Variants in DPP10 observed in about 807,000 individuals in gnomAD.
The protein encoded by DPP10 is inactive dipeptidyl peptidase 10.
A neutral mutation model predicts 120.9 loss-of-function variants in DPP10; 33 were observed. The observed-to-expected ratio is 0.27, with a 90% CI of 0.21 to 0.37. The LOEUF is 0.37. Ranked by LOEUF, DPP10 falls within the 10% of genes least tolerant of loss-of-function variation. DPP10 has a pLI of 1.00. For missense variants in DPP10, 816 were observed against 942.8 expected (o/e 0.87, Z 1.76); for synonymous variants, 337 against 326.1 (o/e 1.03, Z -0.36).
At chr2:115,492,278 T>TA (rs1402380880) in intron 3 of DPP10, among the ~76,000 whole-genome samples, 3 of 152,084 alleles carry the variant, frequency 2.0e-5, no homozygotes, top group African/African-American at 7.2e-5. Context: ...CTTAGTTTGG[T>TA]AAAAAAGATC....
At chr2:115,512,547 A>T (rs1252952903) in intron 4 of DPP10, among the ~76,000 whole-genome samples, 1 of 151,440 alleles carries the variant, frequency 6.6e-6, no homozygotes. Context: ...ATTTCCCTGT[A>T]AGTTCTTCTT....
chr2:114,662,925 C>T (rs550126993), intron 1 of DPP10, among the ~76,000 whole-genome samples: 1 of 152,206 alleles, frequency 6.6e-6, no homozygotes, highest in African/African-American at 2.4e-5. Flanking sequence ...GTGCTACTCG[C>T]CTTAAGGCAC....
At chr2:115,005,231 CA>C (rs1441199929) in intron 1 of DPP10, among the ~76,000 whole-genome samples, 1 of 152,134 alleles carries the variant, frequency 6.6e-6, no homozygotes, top group Admixed American at 6.5e-5. Context: ...TCACCATCAT[CA>C]AAGGCCAAAA....
intron 5 of DPP10, among the ~76,000 whole-genome samples, chr2:115,568,629 T>A (rs1575201969): frequency 6.6e-6 from 1 of 152,094 alleles, no homozygotes; most frequent in Middle Eastern, 3.4e-3. Flanking sequence ...CATTTTTCTA[T>A]CGCGTACTTG....
At chr2:114,461,934 GA>G in intron 1 of DPP10, 1 of 985,404 alleles carries the variant, frequency 1.0e-6, no homozygotes, top group Non-Finnish European at 1.2e-6. Context: ...TGCTGGTTAG[GA>G]GGTAGGAAAT....
chr2:115,808,723 G>T (rs527310538), intron 19 of DPP10, among the ~76,000 whole-genome samples: 103 of 152,332 alleles, frequency 6.8e-4, no homozygotes, highest in African/African-American at 2.4e-3. Flanking sequence ...GGTCATGAAT[G>T]CAGGCAACCT....
chr2:115,606,129 G>A (rs1019526839), intron 5 of DPP10, among the ~76,000 whole-genome samples: 1 of 152,016 alleles, frequency 6.6e-6, no homozygotes, highest in Non-Finnish European at 1.5e-5. Context: ...CATTCCTATT[G>A]ATATTTGCTC....
At chr2:114,703,746 T>C (rs1315662022) in intron 1 of DPP10, among the ~76,000 whole-genome samples, 1 of 152,118 alleles carries the variant, frequency 6.6e-6, no homozygotes, top group African/African-American at 2.4e-5. Context: ...ATTTGTCTGG[T>C]TCCATAAAAT....
intron 24 of DPP10, among the ~76,000 whole-genome samples, chr2:115,840,322 T>TTTTG (rs1559227820): frequency 9.1e-6 from 1 of 109,594 alleles, no homozygotes; most frequent in Non-Finnish European, 1.9e-5. Context: ...TTTTTTGGTT[T>TTTTG]TTTTTTTTTT....
chr2:115,717,486 G>A (rs905887585), intron 7 of DPP10, among the ~76,000 whole-genome samples: 22 of 152,180 alleles, frequency 1.4e-4, no homozygotes, highest in African/African-American at 5.3e-4. Flanking sequence ...TGTAAACTTG[G>A]GCAAGTTACT....
At chr2:115,800,941 C>A (rs1458219179) in intron 19 of DPP10, among the ~76,000 whole-genome samples, 1 of 135,728 alleles carries the variant, frequency 7.4e-6, no homozygotes, top group Non-Finnish European at 1.6e-5. Context: ...TCCATATGAA[C>A]TTTAAAGTAG....
chr2:115,218,961 A>C (rs1323225069), intron 1 of DPP10, among the ~76,000 whole-genome samples: 2 of 152,078 alleles, frequency 1.3e-5, no homozygotes, highest in African/African-American at 4.8e-5. Flanking sequence ...TAGATGCATA[A>C]ATACCCATCC....
At chr2:114,600,982 C>T (rs1692317071) in intron 1 of DPP10, among the ~76,000 whole-genome samples, 1 of 151,768 alleles carries the variant, frequency 6.6e-6, no homozygotes, top group African/African-American at 2.4e-5. Context: ...GACACATAAA[C>T]AAAGGTGAGA....
At chr2:115,159,544 C>T (rs1362251321) in intron 1 of DPP10, among the ~76,000 whole-genome samples, 1 of 151,954 alleles carries the variant, frequency 6.6e-6, no homozygotes, top group Non-Finnish European at 1.5e-5. Flanking sequence ...AAGTGCAATA[C>T]ATTAAAAAAA....
At chr2:114,752,398 G>A (rs1460852585) in intron 1 of DPP10, among the ~76,000 whole-genome samples, 3 of 152,188 alleles carry the variant, frequency 2.0e-5, no homozygotes, top group Non-Finnish European at 4.4e-5. Flanking sequence ...AAGAAAAAAT[G>A]AAACAAAGCA....
At chr2:114,768,141 A>G (rs1001189954) in intron 1 of DPP10, among the ~76,000 whole-genome samples, 24 of 151,452 alleles carry the variant, frequency 1.6e-4, no homozygotes, top group Non-Finnish European at 2.9e-4. Context: ...AAAAAAAAAA[A>G]AAAAAGTTCT....
chr2:114,726,772 G>T (rs1167209770), intron 1 of DPP10, among the ~76,000 whole-genome samples: 2 of 152,282 alleles, frequency 1.3e-5, no homozygotes, highest in Non-Finnish European at 2.9e-5. Flanking sequence ...TTTGAATTGT[G>T]CAGGAAAAAG....
intron 1 of DPP10, among the ~76,000 whole-genome samples, chr2:114,447,348 G>C (rs943851460): frequency 6.6e-6 from 1 of 152,050 alleles, no homozygotes; most frequent in Non-Finnish European, 1.5e-5. Flanking sequence ...TGACAAACCT[G>C]CGTTTCACAT....
In DPP10 at chr2:114,906,207, A is replaced by G. The variant is rs1693945412; in HGVS notation, c.61-403032A>G. 4.7e-5 allele frequency among the ~76,000 whole-genome samples: 7 copies of G among 150,374 alleles called. No homozygotes were observed. In the South Asian group the frequency reaches 1.5e-3, roughly 33 times the overall value. On this transcript the variant is annotated intron_variant, in intron 1 of 25. Coordinates refer to ENST00000410059, the MANE Select transcript of DPP10 (RefSeq NM_020868.6). Reference sequence around the variant, plus strand: ...AGCCTGGCCAAAATAGTGAAAACCCATCTCCACTAAAAATATATACAAAAA... The same window carrying G: ...AGCCTGGCCAAAATAGTGAAAACCCGTCTCCACTAAAAATATATACAAAAA...
Sources: gnomAD v4.1 joint callset for allele counts (sites outside exome capture counted in the v4.1 genomes callset) on GRCh38, gnomAD v4.1.1 for gene constraint, MANE v1.5 for transcripts, NCBI Gene and HGNC (gene_info 2026-07-23, HGNC 2026-07-21) for gene names.